Variants in NTM observed in about 807,000 individuals in gnomAD.
NTM encodes IgLON family member 2.
Under a neutral mutation model 42.1 loss-of-function variants are expected in NTM, and 13 were observed. The observed-to-expected ratio is 0.31, with a 90% CI of 0.20 to 0.49. The LOEUF (loss-of-function observed/expected upper bound fraction) is 0.49. Among genes scored for constraint, NTM ranks in the 20% least tolerant of loss-of-function variants. NTM has a pLI of 0.99. For missense variants in NTM, 373 were observed against 452.8 expected (o/e 0.82, Z 1.60); for synonymous variants, 187 against 179.2 (o/e 1.04, Z -0.35).
At chr11:131,391,916 A>C (rs943059681) in intron 1 of NTM, among the ~76,000 whole-genome samples, 6 of 152,180 alleles carry the variant, frequency 3.9e-5, no homozygotes, top group Non-Finnish European at 8.8e-5. Context: ...AAAATAACCA[A>C]TCTTCTGCTG....
intron 2 of NTM, among the ~76,000 whole-genome samples, chr11:132,011,970 A>C (rs2072302311): frequency 6.6e-6 from 1 of 152,200 alleles, no homozygotes; most frequent in Non-Finnish European, 1.5e-5. Context: ...TTTTTATCTC[A>C]AACTCTTTAA....
intron 2 of NTM, among the ~76,000 whole-genome samples, chr11:132,012,930 T>C (rs982498428): frequency 6.6e-6 from 1 of 152,060 alleles, no homozygotes; most frequent in Admixed American, 6.6e-5. Flanking sequence ...GATTAGGGAA[T>C]GTAGAGGGAT....
chr11:131,770,390 C>G lies in NTM; in HGVS notation c.83-141174C>G, dbSNP rs115099093. Among the ~76,000 whole-genome samples, 550 of 152,310 alleles carry G rather than the reference C, an allele frequency of 3.6e-3. 5 individuals are homozygous for G. Among genetic ancestry groups the G allele is most frequent in the African/African-American group, 0.012 (504 of 41,576 alleles). ...GAGTCATCAGCACAGTTGACTTTGT[C>G]TCTTCCTTCTATCAGCCACAAAAGT... On this transcript the variant is annotated intron_variant, in intron 1 of 8. Coordinates refer to ENST00000683400, the MANE Select transcript of NTM (RefSeq NM_001352005.2).
intron 3 of NTM, among the ~76,000 whole-genome samples, chr11:132,166,137 C>T (rs2075241525): frequency 1.3e-5 from 2 of 151,980 alleles, no homozygotes; most frequent in African/African-American, 4.8e-5. Context: ...CTTTACTATC[C>T]CCATCAGAAG....
intron 1 of NTM, among the ~76,000 whole-genome samples, chr11:131,826,248 G>T (rs1438326719): frequency 2.0e-5 from 3 of 152,090 alleles, no homozygotes; most frequent in Non-Finnish European, 4.4e-5. Context: ...GGAGGGAGTT[G>T]CCCACTAGAT....
chr11:132,320,838 C>A (rs1427713381), intron 7 of NTM, among the ~76,000 whole-genome samples: 83 of 151,654 alleles, frequency 5.5e-4, no homozygotes, highest in Non-Finnish European at 1.1e-3. Context: ...TGAGAACGGG[C>A]AGACTGCCTC....
intron 1 of NTM, among the ~76,000 whole-genome samples, chr11:131,372,242 A>T (rs1333048879): frequency 6.6e-6 from 1 of 151,986 alleles, no homozygotes; most frequent in Non-Finnish European, 1.5e-5. Context: ...GACAGGAGGG[A>T]TCTGTGTCGG....
intron 3 of NTM, among the ~76,000 whole-genome samples, chr11:132,154,866 G>A (rs1041364963): frequency 1.3e-5 from 2 of 152,330 alleles, no homozygotes; most frequent in East Asian, 1.9e-4. Flanking sequence ...CTCAGCAGAG[G>A]AATTCACTCC....
chr11:132,058,701 G>A (rs771097025), intron 2 of NTM, among the ~76,000 whole-genome samples: 3 of 152,158 alleles, frequency 2.0e-5, no homozygotes, highest in Non-Finnish European at 2.9e-5. Flanking sequence ...TATTTAGCAA[G>A]CCACCTAAAA....
At chr11:131,976,085 T>TTCCTTCCC (rs1438122117) in intron 2 of NTM, among the ~76,000 whole-genome samples, 48 of 151,218 alleles carry the variant, frequency 3.2e-4, no homozygotes, top group Admixed American at 2.2e-3. Context: ...TTGATGGTCC[T>TTCCTTCCC]TCCTTCCCTC....
intron 2 of NTM, among the ~76,000 whole-genome samples, chr11:131,991,685 G>A (rs2067049132): frequency 3.3e-5 from 5 of 151,642 alleles, no homozygotes; most frequent in Admixed American, 3.3e-4. Flanking sequence ...GGCCTGGTAA[G>A]GATTTCTAAA....
chr11:131,433,574 A>G (rs1948866206), intron 1 of NTM, among the ~76,000 whole-genome samples: 1 of 152,318 alleles, frequency 6.6e-6, no homozygotes, highest in Admixed American at 6.5e-5. Flanking sequence ...TGCTTCACAC[A>G]TGACTGTTAG....
chr11:131,880,944 A>G (rs2049375176), intron 1 of NTM, among the ~76,000 whole-genome samples: 1 of 152,210 alleles, frequency 6.6e-6, no homozygotes, highest in Non-Finnish European at 1.5e-5. Context: ...TCAGATGCTT[A>G]AAAGATATTA....
At chr11:131,537,296 C>T (rs547681317) in intron 1 of NTM, 12 of 152,128 alleles carry the variant, frequency 7.9e-5, no homozygotes, top group Non-Finnish European at 2.9e-5. Context: ...CTGATAAAGA[C>T]CAGAGAGCTT....
At chr11:132,105,231 CT>C (rs1199117223) in intron 2 of NTM, among the ~76,000 whole-genome samples, 1 of 151,598 alleles carries the variant, frequency 6.6e-6, no homozygotes, top group Non-Finnish European at 1.5e-5. Context: ...CTGAACATGG[CT>C]TAAGATGGAA....
At chr11:131,941,450 T>C (rs2059785440) in intron 2 of NTM, among the ~76,000 whole-genome samples, 1 of 152,188 alleles carries the variant, frequency 6.6e-6, no homozygotes, top group Admixed American at 6.5e-5. Context: ...GGCAAGTTAC[T>C]TAATTACTTA....
intron 3 of NTM, among the ~76,000 whole-genome samples, chr11:132,173,519 G>C (rs1351786164): frequency 6.6e-6 from 1 of 152,204 alleles, no homozygotes; most frequent in Non-Finnish European, 1.5e-5. Flanking sequence ...AATACTGCCA[G>C]ATGTGTAGTA....
At chr11:131,768,028 T>C (rs1485080766) in intron 1 of NTM, among the ~76,000 whole-genome samples, 1 of 152,190 alleles carries the variant, frequency 6.6e-6, no homozygotes, top group Non-Finnish European at 1.5e-5. Flanking sequence ...TCCTTTTTTT[T>C]TTAAGTTTTT....
chr11:131,998,197 A>G (rs2068448278), intron 2 of NTM, among the ~76,000 whole-genome samples: 1 of 152,200 alleles, frequency 6.6e-6, no homozygotes. Context: ...TGCACTGCAG[A>G]AACCCTTGGA....
Sources: gnomAD v4.1 joint callset for allele counts (sites outside exome capture counted in the v4.1 genomes callset) on GRCh38, gnomAD v4.1.1 for gene constraint, MANE v1.5 for transcripts, NCBI Gene and HGNC (gene_info 2026-07-23, HGNC 2026-07-21) for gene names.